GPC6: variants seen among roughly 807,000 people sequenced by gnomAD.
GPC6 encodes glypican 6.
A neutral mutation model predicts 55.2 loss-of-function variants in GPC6; 14 were observed. That is an observed-to-expected ratio of 0.25 (90% CI 0.17 to 0.40). GPC6 has a LOEUF of 0.40. GPC6 is among the 10% of genes least tolerant of loss of function. The probability of loss-of-function intolerance (pLI) is 1.00; values close to 1 mark genes in which losing one functional copy is unlikely to be tolerated. For synonymous variants in GPC6, 278 were observed against 259.6 expected (o/e 1.07, Z -0.68); for missense variants, 641 against 708.5 (o/e 0.90, Z 1.08).
rs532741523 is a variant in GPC6, at chr13:94,266,262, G to A, written c.878-20087G>A. Among the ~76,000 whole-genome samples the A allele has an allele frequency of 5.9e-5, 9 of 151,676 alleles. No individual in the cohort carries two copies. In the East Asian group the frequency reaches 1.2e-3, roughly 20 times the overall value. On this transcript the variant is annotated intron_variant, in intron 4 of 8. Transcript: ENST00000377047. ...TGGCTCACTGCAAGCTCCGCCTCCC[G>A]GGTTCACTCGATTCTCCTGCATCAG...
intron 4 of GPC6, among the ~76,000 whole-genome samples, chr13:94,263,808 T>G (rs2139052777): frequency 6.6e-6 from 1 of 152,334 alleles, no homozygotes; most frequent in Middle Eastern, 3.4e-3. Flanking sequence ...CTCTGAAATT[T>G]ACAGCCTGGC....
chr13:93,278,537 A>G (rs954466804), intron 1 of GPC6, among the ~76,000 whole-genome samples: 3 of 152,350 alleles, frequency 2.0e-5, no homozygotes, highest in Non-Finnish European at 4.4e-5. Context: ...ATTTTGATAC[A>G]TTAGTTTTTA....
chr13:93,539,353 G>A (rs1021416396), intron 1 of GPC6, among the ~76,000 whole-genome samples: 17 of 152,220 alleles, frequency 1.1e-4, no homozygotes, highest in African/African-American at 3.6e-4. Context: ...AAATCATCAC[G>A]TGAAAGATGA....
intron 1 of GPC6, among the ~76,000 whole-genome samples, chr13:93,523,472 T>TAC (rs1291538077): frequency 6.6e-6 from 1 of 151,790 alleles, no homozygotes; most frequent in African/African-American, 2.4e-5. Context: ...TATGACATTT[T>TAC]ACACACATAC....
chr13:94,230,934 G>A (rs1890705536), intron 4 of GPC6, among the ~76,000 whole-genome samples: 1 of 152,118 alleles, frequency 6.6e-6, no homozygotes, highest in Non-Finnish European at 1.5e-5. Context: ...TGAAGAGTCT[G>A]AAGCCAGAAA....
chr13:94,078,770 A>AT (rs1200525300), intron 4 of GPC6, among the ~76,000 whole-genome samples: 1 of 152,012 alleles, frequency 6.6e-6, no homozygotes, highest in Non-Finnish European at 1.5e-5. Context: ...CTCAACAAAG[A>AT]GAAGTTCATG....
At chr13:94,325,973 G>A (rs987899447) in intron 6 of GPC6, among the ~76,000 whole-genome samples, 2 of 152,138 alleles carry the variant, frequency 1.3e-5, no homozygotes, top group Non-Finnish European at 2.9e-5. Context: ...ATAGCATCCA[G>A]CCAGGCATGC....
In GPC6 at chr13:93,227,695, C is replaced by T. The variant is rs947950131; in HGVS notation, c.160+79C>T. The stretch of plus-strand genomic sequence containing the variant: ...CCACTGGCCGCCCGGCGTCCCCTTC[C>T]TTCCCCCTGTTGCTGAGTTGGTGCT... On this transcript the variant is annotated intron_variant, in intron 1 of 8. Coordinates refer to ENST00000377047, the MANE Select transcript of GPC6 (RefSeq NM_005708.5). This position sits in a 1 kb window ranked among gnomAD's most constrained non-coding sequence, Gnocchi z 4.3. 2.6e-6 allele frequency: 3 copies of T among 1,175,406 alleles called. No individual in the cohort carries two copies. Among genetic ancestry groups the T allele is most frequent in the Admixed American group, 2.1e-5 (1 of 46,800 alleles). The allele number at this position is 1,175,406 out of a possible 1,614,324, so 72.8% of individuals were successfully genotyped here.
chr13:94,298,915 TTGA>T (rs536086536), intron 5 of GPC6, among the ~76,000 whole-genome samples: 13 of 152,224 alleles, frequency 8.5e-5, no homozygotes, highest in Non-Finnish European at 1.3e-4. Flanking sequence ...TCATAGACAC[TTGA>T]TGAGTGTTCA....
chr13:94,172,574 A>G (rs955857940), intron 4 of GPC6, among the ~76,000 whole-genome samples: 1 of 152,346 alleles, frequency 6.6e-6, no homozygotes, highest in Non-Finnish European at 1.5e-5. Context: ...ATTCATTAAC[A>G]TATTCTCTAT....
At chr13:94,373,458 G>A (rs909262474) in intron 6 of GPC6, among the ~76,000 whole-genome samples, 20 of 152,284 alleles carry the variant, frequency 1.3e-4, no homozygotes, top group East Asian at 1.9e-4. Flanking sequence ...GGAAGAAAGC[G>A]TATCAGCAAT....
At chr13:93,919,632 C>T (rs1006386073) in intron 3 of GPC6, among the ~76,000 whole-genome samples, 4 of 152,120 alleles carry the variant, frequency 2.6e-5, no homozygotes, top group Non-Finnish European at 5.9e-5. Context: ...ATTAATGAAC[C>T]TGGGAGTTTA....
intron 4 of GPC6, among the ~76,000 whole-genome samples, chr13:94,034,200 A>AGAAG (rs575821539): frequency 0.097 from 7,017 of 72,588 alleles, 500 homozygotes; most frequent in African/African-American, 0.2. Flanking sequence ...AAAGAAAGAA[A>AGAAG]GAAGGAAGGA....
intron 3 of GPC6, among the ~76,000 whole-genome samples, chr13:93,881,098 T>G (rs1336576511): frequency 6.6e-6 from 1 of 152,050 alleles, no homozygotes; most frequent in Non-Finnish European, 1.5e-5. Context: ...GAACAATCTT[T>G]TGGATTTAAT....
At chr13:94,078,750 TA>T (rs997578141) in intron 4 of GPC6, among the ~76,000 whole-genome samples, 4 of 151,848 alleles carry the variant, frequency 2.6e-5, no homozygotes, top group Non-Finnish European at 5.9e-5. Context: ...GACACAGTAA[TA>T]AAAAACCTCT....
chr13:93,776,471 T>TTATC, intron 2 of GPC6, among the ~76,000 whole-genome samples: 1 of 152,104 alleles, frequency 6.6e-6, no homozygotes, highest in Non-Finnish European at 1.5e-5. Flanking sequence ...CCTCACTAAA[T>TTATC]TATCTCCAGA....
At chr13:93,942,275 G>C (rs1348075085) in intron 3 of GPC6, among the ~76,000 whole-genome samples, 1 of 152,168 alleles carries the variant, frequency 6.6e-6, no homozygotes, top group East Asian at 1.9e-4. Flanking sequence ...TCAGGAGTCT[G>C]GGTAAAACTT....
At chr13:93,681,202 C>T (rs1881833541) in intron 2 of GPC6, among the ~76,000 whole-genome samples, 1 of 151,854 alleles carries the variant, frequency 6.6e-6, no homozygotes, top group Admixed American at 6.6e-5. Context: ...TGTTTATTAC[C>T]CTTTTTAATG....
intron 1 of GPC6, among the ~76,000 whole-genome samples, chr13:93,251,327 A>G (rs1479272854): frequency 6.6e-6 from 1 of 152,214 alleles, no homozygotes; most frequent in East Asian, 1.9e-4. Context: ...TGCCTACTAA[A>G]GAGATGATGT....
Sources: allele counts gnomAD v4.1 joint callset (sites outside exome capture counted in the v4.1 genomes callset), GRCh38; gene constraint gnomAD v4.1.1; non-coding constraint Gnocchi (gnomAD v3.1); transcripts MANE v1.5; gene names NCBI Gene and HGNC (gene_info 2026-07-23, HGNC 2026-07-21).